CERS4: variants seen among roughly 807,000 people sequenced by gnomAD.
The protein encoded by CERS4 is LAG1 homolog, ceramide synthase 4.
A neutral mutation model predicts 51.8 loss-of-function variants in CERS4; 65 were observed. That is an observed-to-expected ratio of 1.26 (90% CI 1.03 to 1.54). CERS4 has a LOEUF of 1.54. Among genes scored for constraint, CERS4 ranks in the 40% most tolerant of loss-of-function variants. CERS4 has a pLI of 0.00. For synonymous variants in CERS4, 228 were observed against 208.4 expected, an observed-to-expected ratio of 1.09 and a Z score of -0.81; for missense variants, 563 against 500.4, an observed-to-expected ratio of 1.13 and a Z score of -1.19.
intron 2 of CERS4, chr19:8,250,790 A>G: frequency 8.7e-7 from 1 of 1,152,990 alleles, no homozygotes; most frequent in South Asian, 3.5e-5. Flanking sequence ...TGAGGTTCAG[A>G]GAGGTCAAGT....
At chr19:8,258,985 T>C (rs1285624507) in intron 10 of CERS4, among the ~76,000 whole-genome samples, 3 of 150,698 alleles carry the variant, frequency 2.0e-5, no homozygotes, top group African/African-American at 4.9e-5. Flanking sequence ...AACACAATAA[T>C]TAGCTGGGCA....
chr19:8,261,642 C>G (rs192059550), intron 10 of CERS4, 46 bp from the exon 11 acceptor site: 40 of 1,609,492 alleles, frequency 2.5e-5, no homozygotes, highest in Non-Finnish European at 3.2e-5. Flanking sequence ...CTGGGGGCTA[C>G]AGCGGCTGGT....
intron 2 of CERS4, among the ~76,000 whole-genome samples, chr19:8,225,516 C>T (rs1051215744): frequency 1.4e-4 from 21 of 151,366 alleles, no homozygotes; most frequent in Middle Eastern, 3.4e-3. Flanking sequence ...CTCCGCCTCC[C>T]GGGTTCAAGC....
chr19:8,250,628 T>C (rs189294400), intron 2 of CERS4: 70 of 161,622 alleles, frequency 4.3e-4, no homozygotes, highest in Admixed American at 7.8e-4. Context: ...AGCTCATTTT[T>C]GTATTTTTAG....
At position 8,255,947 on chromosome 19, in the gene CERS4, G is replaced by C. The variant is rs142769693; in HGVS notation, c.468+68G>C. 217 of 1,540,988 alleles carry C rather than the reference G, an allele frequency of 1.4e-4. 2 individuals carry two copies. In the East Asian group the frequency reaches 4.4e-3, roughly 31 times the overall value. ...CACCTGGCCTAGATCTGGCAGGAGT[G>C]GGGGTGTGGAGTGGTGCAGCCAGAG... On this transcript the variant is annotated intron_variant, in intron 6 of 11. Transcript: ENST00000251363.
At chr19:8,243,302 C>T (rs947951577) in intron 2 of CERS4, among the ~76,000 whole-genome samples, 1 of 151,748 alleles carries the variant, frequency 6.6e-6, no homozygotes, top group South Asian at 2.1e-4. Context: ...GAGTGCCAAG[C>T]TGGCCATGTG....
In CERS4 at chr19:8,262,265, T is replaced by G; in HGVS notation, c.*156T>G. 1 of 738,630 alleles carries G rather than the reference T, an allele frequency of 1.4e-6. No individual in the cohort carries two copies. The highest frequency in any genetic ancestry group is 2.0e-6 in the Non-Finnish European group (1 of 512,492). 45.8% of individuals were successfully genotyped at this position (738,630 alleles called of 1,614,324 possible). A position where few individuals can be genotyped will look rare whatever the true frequency, so the allele number is the denominator to read the frequency against. On this transcript the variant is annotated 3_prime_UTR_variant, in exon 12 of 12. Coordinates refer to ENST00000251363, the MANE Select transcript of CERS4 (RefSeq NM_024552.3). ...TGATGATCTGTCTCCAGCCCCTTCC[T>G]TCTGCCCACCCACCCTTCTTCCCTC...
intron 2 of CERS4, chr19:8,238,472 C>G: frequency 1.0e-6 from 1 of 983,134 alleles, no homozygotes. Flanking sequence ...TGGGGCTGGT[C>G]TTGGGAATCA....
intron 2 of CERS4, among the ~76,000 whole-genome samples, chr19:8,225,856 G>A (rs1025928146): frequency 1.3e-5 from 2 of 152,068 alleles, no homozygotes; most frequent in East Asian, 3.9e-4. Flanking sequence ...GTGACCCTGT[G>A]TAGGTGATCC....
Position 8,219,628 on chromosome 19 carries a change from C to G in CERS4, c.-2+8766C>G, listed in dbSNP as rs183095997. ...GGTCAGGAGTTTGAGACCAGCCTGA[C>G]CAACATGGTGAAATCCCGTCTCTAC... On this transcript the variant is annotated intron_variant, in intron 2 of 11. Transcript: ENST00000251363. 6.0e-4 allele frequency among the ~76,000 whole-genome samples: 91 copies of G among 152,162 alleles called. 1 individual carries two copies. In the East Asian group the frequency reaches 0.016, roughly 26 times the overall value.
At chr19:8,259,771 G>A (rs984670670) in intron 10 of CERS4, among the ~76,000 whole-genome samples, 35 of 152,268 alleles carry the variant, frequency 2.3e-4, no homozygotes, top group African/African-American at 8.4e-4. Context: ...GGGGAAAGAG[G>A]TAATGTAGGA....
intron 4 of CERS4, 47 bp from the exon 5 acceptor site, chr19:8,255,560 C>G (rs757790557): frequency 6.6e-7 from 1 of 1,525,908 alleles, no homozygotes; most frequent in Admixed American, 1.9e-5. Flanking sequence ...ATGGGGGAAG[C>G]CACCACAGGG....
chr19:8,221,280 T>A (rs964824083), intron 2 of CERS4, among the ~76,000 whole-genome samples: 4 of 152,120 alleles, frequency 2.6e-5, no homozygotes, highest in East Asian at 3.9e-4. Flanking sequence ...TGCTGCTGTG[T>A]CCTTCAAGGC....
At position 8,256,120 on chromosome 19, in the gene CERS4, G is replaced by A. The variant is rs191434596; in HGVS notation, c.469-116G>A. On this transcript the variant is annotated intron_variant, in intron 6 of 11. Coordinates refer to ENST00000251363, the MANE Select transcript of CERS4 (RefSeq NM_024552.3). ...CGAGAGTGAGAAGCAGGAAAAAGCA[G>A]GGCTGGGTGAAGGTAGCATCTATGT... 12 of 1,180,274 alleles carry A rather than the reference G, an allele frequency of 1.0e-5. No individual in the cohort carries two copies. In the East Asian group the frequency reaches 2.8e-4, roughly 28 times the overall value. The allele number at this position is 1,180,274 out of a possible 1,614,324, so 73.1% of individuals were successfully genotyped here.
intron 2 of CERS4, among the ~76,000 whole-genome samples, chr19:8,236,468 G>C (rs1968257691): frequency 6.6e-6 from 1 of 151,840 alleles, no homozygotes; most frequent in South Asian, 2.1e-4. Context: ...AAGGCAAGAG[G>C]AACGCTTGAG....
chr19:8,245,122 A>AAAAAAAAAAAAAAAAAAAAAAAAAAAC, intron 2 of CERS4, among the ~76,000 whole-genome samples: 1 of 129,258 alleles, frequency 7.7e-6, no homozygotes, highest in Non-Finnish European at 1.6e-5. Context: ...AAAAAAAAAA[A>AAAAAAAAAAAAAAAAAAAAAAAAAAAC]AAAAAAAAAA....
intron 2 of CERS4, among the ~76,000 whole-genome samples, chr19:8,231,205 G>C (rs1009040616): frequency 6.6e-6 from 1 of 152,122 alleles, no homozygotes; most frequent in Non-Finnish European, 1.5e-5. Flanking sequence ...TCTTTCCTGA[G>C]CATGGGCCAT....
At chr19:8,238,747 G>A (rs1208040267) in intron 2 of CERS4, among the ~76,000 whole-genome samples, 4 of 152,138 alleles carry the variant, frequency 2.6e-5, no homozygotes, top group South Asian at 2.1e-4. Context: ...GGGATACCCA[G>A]GGGACATGGC....
intron 2 of CERS4, among the ~76,000 whole-genome samples, chr19:8,236,819 T>C (rs73008745): frequency 0.13 from 19,734 of 151,124 alleles, 1,418 homozygotes; most frequent in South Asian, 0.24. Flanking sequence ...CTGGCCAACA[T>C]GGCGAAACCC....
Sources: gnomAD v4.1 joint callset for allele counts (sites outside exome capture counted in the v4.1 genomes callset) on GRCh38, gnomAD v4.1.1 for gene constraint, MANE v1.5 for transcripts, NCBI Gene and HGNC (gene_info 2026-07-23, HGNC 2026-07-21) for gene names.